FNBP1: variants seen among roughly 807,000 people sequenced by gnomAD.
FNBP1 encodes formin-binding protein 1.
A neutral mutation model predicts 90.6 loss-of-function variants in FNBP1; 26 were observed. The ratio of observed to expected loss-of-function variants is 0.29; its 90% CI spans 0.21 to 0.40. The LOEUF (loss-of-function observed/expected upper bound fraction) is 0.40. Among genes scored for constraint, FNBP1 ranks in the 10% least tolerant of loss-of-function variants. FNBP1 has a pLI of 1.00. For missense variants in FNBP1, 635 were observed against 768.0 expected (o/e 0.83, Z 2.05); for synonymous variants, 260 against 265.2 (o/e 0.98, Z 0.19).
At chr9:130,032,783 T>A (rs1409632756) in intron 1 of FNBP1, among the ~76,000 whole-genome samples, 1 of 152,090 alleles carries the variant, frequency 6.6e-6, no homozygotes. Flanking sequence ...AGAAAATTAA[T>A]TCCCCCTAGA....
intron 1 of FNBP1, among the ~76,000 whole-genome samples, chr9:130,035,442 T>G (rs578167971): frequency 6.6e-6 from 1 of 152,336 alleles, no homozygotes; most frequent in African/African-American, 2.4e-5. Flanking sequence ...GCTTCCACTC[T>G]TTCCCCTTCA....
intron 6 of FNBP1, among the ~76,000 whole-genome samples, chr9:129,948,090 A>G (rs1588776802): frequency 6.6e-6 from 1 of 151,112 alleles, no homozygotes; most frequent in African/African-American, 2.4e-5. Flanking sequence ...GGAGTTCAAG[A>G]CCAGCCTGGG....
intron 1 of FNBP1, among the ~76,000 whole-genome samples, chr9:130,008,288 T>C (rs1168142519): frequency 6.6e-6 from 1 of 151,768 alleles, no homozygotes; most frequent in Admixed American, 6.6e-5. Context: ...AGGTCGAGGC[T>C]GCAGTGAGCC....
chr9:129,989,122 T>G (rs2052727317), intron 2 of FNBP1, among the ~76,000 whole-genome samples: 1 of 152,232 alleles, frequency 6.6e-6, no homozygotes, highest in Admixed American at 6.5e-5. Flanking sequence ...ACTTCTCAAG[T>G]GATGGGTTTT....
intron 1 of FNBP1, among the ~76,000 whole-genome samples, chr9:130,027,670 C>T (rs1204250008): frequency 6.6e-6 from 1 of 152,120 alleles, no homozygotes; most frequent in Non-Finnish European, 1.5e-5. Flanking sequence ...GGAAGGCTTA[C>T]AGGCTGGGGG....
At chr9:129,919,949 A>G (rs1353771073) in intron 10 of FNBP1, among the ~76,000 whole-genome samples, 1 of 152,186 alleles carries the variant, frequency 6.6e-6, no homozygotes, top group Non-Finnish European at 1.5e-5. Context: ...TAAAAATGAA[A>G]TCTATTTCTC....
intron 1 of FNBP1, among the ~76,000 whole-genome samples, chr9:130,025,097 T>G (rs1198709199): frequency 6.6e-6 from 1 of 152,010 alleles, no homozygotes; most frequent in African/African-American, 2.4e-5. Context: ...GGAGAATTGC[T>G]TGAACCCAGA....
chr9:129,940,235 CAAT>C (rs1382642830), intron 6 of FNBP1, among the ~76,000 whole-genome samples: 27 of 151,944 alleles, frequency 1.8e-4, no homozygotes, highest in Non-Finnish European at 2.8e-4. Flanking sequence ...ACGACAACAA[CAAT>C]GACAACAAAA....
At chr9:130,022,991 CAA>C (rs1431733632) in intron 1 of FNBP1, among the ~76,000 whole-genome samples, 3 of 151,702 alleles carry the variant, frequency 2.0e-5, no homozygotes, top group Non-Finnish European at 4.4e-5. Context: ...AAAACAAAAA[CAA>C]AAAACAGAAG....
intron 1 of FNBP1, among the ~76,000 whole-genome samples, chr9:130,027,304 T>C (rs1186215832): frequency 6.6e-6 from 1 of 152,210 alleles, no homozygotes; most frequent in East Asian, 1.9e-4. Flanking sequence ...CTTAATGTCT[T>C]CACATCAGAG....
At chr9:129,936,032 T>C (rs2043404484) in intron 6 of FNBP1, among the ~76,000 whole-genome samples, 1 of 152,220 alleles carries the variant, frequency 6.6e-6, no homozygotes, top group South Asian at 2.1e-4. Flanking sequence ...ACAATTACTT[T>C]TGCAGCAACC....
intron 6 of FNBP1, among the ~76,000 whole-genome samples, chr9:129,947,257 A>G (rs1039669121): frequency 6.6e-6 from 1 of 152,026 alleles, no homozygotes; most frequent in Non-Finnish European, 1.5e-5. Context: ...TCTGACCAAC[A>G]TGGTGAAATC....
chr9:129,974,243 G>T (rs1037955024), intron 4 of FNBP1, among the ~76,000 whole-genome samples: 5 of 152,108 alleles, frequency 3.3e-5, no homozygotes, highest in Admixed American at 3.3e-4. Context: ...AACACGCACT[G>T]CCCCGAGAGG....
At chr9:129,914,791 A>ATATATATATATC in intron 11 of FNBP1, 1 of 159,540 alleles carries the variant, frequency 6.3e-6, no homozygotes, top group South Asian at 1.6e-4. Context: ...ATATATATAT[A>ATATATATATATC]TATCTCACCA....
intron 1 of FNBP1, among the ~76,000 whole-genome samples, chr9:130,036,584 G>A (rs2059332046): frequency 6.6e-6 from 1 of 152,136 alleles, no homozygotes; most frequent in Non-Finnish European, 1.5e-5. Context: ...AAACAGAAAA[G>A]ACATGTGCAA....
chr9:129,927,642 T>C (rs935399975), intron 7 of FNBP1, among the ~76,000 whole-genome samples: 1 of 152,240 alleles, frequency 6.6e-6, no homozygotes, highest in East Asian at 1.9e-4. Flanking sequence ...GGAGTTTTGC[T>C]CTTGTCACCC....
chr9:130,045,716 G>A (rs527855582), upstream of FNBP1, among the ~76,000 whole-genome samples: 1 of 152,262 alleles, frequency 6.6e-6, no homozygotes, highest in East Asian at 1.9e-4. Context: ...ATGCTTGAAA[G>A]TGTCAGAATC....
chr9:129,895,160 T>A, intron 16 of FNBP1: 2 of 656,886 alleles, frequency 3.0e-6, no homozygotes, highest in Non-Finnish European at 3.9e-6. Flanking sequence ...TTCACCAAAC[T>A]TTTCCAGATT....
chr9:129,937,471 G>A (rs1375713593), intron 6 of FNBP1, among the ~76,000 whole-genome samples: 1 of 152,104 alleles, frequency 6.6e-6, no homozygotes, highest in African/African-American at 2.4e-5. Context: ...AGTGGTTCAC[G>A]CCTGTAATTC....
Sources: gnomAD v4.1 joint callset for allele counts (sites outside exome capture counted in the v4.1 genomes callset) on GRCh38, gnomAD v4.1.1 for gene constraint, MANE v1.5 for transcripts, NCBI Gene and HGNC (gene_info 2026-07-23, HGNC 2026-07-21) for gene names.